Variants in TPST1 observed in about 807,000 individuals in gnomAD.
TPST1 encodes protein-tyrosine sulfotransferase 1.
Under a neutral mutation model 34.8 loss-of-function variants are expected in TPST1, and 20 were observed. The ratio of observed to expected loss-of-function variants is 0.57; its 90% CI spans 0.40 to 0.84. The LOEUF is 0.84. TPST1 is among the 40% of genes least tolerant of loss of function. The pLI is 0.00. For synonymous variants in TPST1, 152 were observed against 159.4 expected (o/e 0.95, Z 0.35); for missense variants, 353 against 455.5 (o/e 0.78, Z 2.05).
chr7:66,212,741 C>T (rs1584136048), intron 1 of TPST1, among the ~76,000 whole-genome samples: 1 of 152,270 alleles, frequency 6.6e-6, no homozygotes, highest in East Asian at 1.9e-4. Flanking sequence ...GTGTGAGCCA[C>T]TGCGCCCGAC....
At chr7:66,258,009 A>C (rs1247324656) in intron 2 of TPST1, among the ~76,000 whole-genome samples, 1 of 152,188 alleles carries the variant, frequency 6.6e-6, no homozygotes, top group African/African-American at 2.4e-5. Flanking sequence ...GAAAAAACCC[A>C]ACTTGGTAAT....
intron 1 of TPST1, among the ~76,000 whole-genome samples, chr7:66,222,199 C>T (rs575796152): frequency 2.6e-5 from 4 of 152,142 alleles, no homozygotes; most frequent in East Asian, 3.9e-4. Context: ...CTGGCTAACA[C>T]GGTGAAACCC....
chr7:66,329,355 C>A (rs984831587), intron 3 of TPST1, among the ~76,000 whole-genome samples: 3 of 152,040 alleles, frequency 2.0e-5, no homozygotes, highest in Non-Finnish European at 4.4e-5. Flanking sequence ...TACCTATATA[C>A]CCTAACAGAG....
intron 2 of TPST1, among the ~76,000 whole-genome samples, chr7:66,265,571 GAA>G (rs1790575817): frequency 6.7e-6 from 1 of 149,526 alleles, no homozygotes; most frequent in African/African-American, 2.5e-5. Flanking sequence ...AAAGAAAAAA[GAA>G]AAAAAGGGAA....
chr7:66,356,310 A>G (rs1792580700), intron 4 of TPST1, among the ~76,000 whole-genome samples: 1 of 152,176 alleles, frequency 6.6e-6, no homozygotes, highest in Admixed American at 6.5e-5. Context: ...CCTCCTCCCT[A>G]TGAAAGCAGG....
intron 1 of TPST1, among the ~76,000 whole-genome samples, chr7:66,227,493 G>T (rs1214414776): frequency 1.3e-5 from 2 of 152,042 alleles, no homozygotes; most frequent in East Asian, 1.9e-4. Context: ...TGTGATCATG[G>T]CTCACTGCAG....
chr7:66,260,491 CTG>C (rs1790467364), intron 2 of TPST1, among the ~76,000 whole-genome samples: 1 of 152,146 alleles, frequency 6.6e-6, no homozygotes, highest in Non-Finnish European at 1.5e-5. Context: ...TGTGGAATAA[CTG>C]TTTTAATGCA....
chr7:66,283,121 G>T (rs1408862681), intron 2 of TPST1, among the ~76,000 whole-genome samples: 2 of 152,054 alleles, frequency 1.3e-5, no homozygotes, highest in Non-Finnish European at 2.9e-5. Context: ...AAATTAACTG[G>T]GTATGGTGGT....
In TPST1 at chr7:66,350,826, C is replaced by G. The variant is rs530890855; in HGVS notation, c.1045-1679C>G. Among the ~76,000 whole-genome samples, 84 of 152,226 alleles carry G rather than the reference C, an allele frequency of 5.5e-4. 1 individual carries two copies. The South Asian group carries it at 0.012, about 22-fold the overall frequency. ...ACTCTTCATTGACATTACTTGTTCC[C>G]AAGTTTTTTTTTGCTGTTGCAAAGT... On this transcript the variant is annotated intron_variant, in intron 3 of 5. Transcript: ENST00000304842.
intron 5 of TPST1, chr7:66,359,581 G>A (rs1792651908): frequency 3.6e-6 from 1 of 280,728 alleles, no homozygotes; most frequent in African/African-American, 2.2e-5. Flanking sequence ...TGCCCCCACA[G>A]TAGCAACAAT....
the TPST1 span, among the ~76,000 whole-genome samples, chr7:66,200,235 G>A: frequency 2.0e-5 from 3 of 152,102 alleles, no homozygotes; most frequent in Admixed American, 6.5e-5. Flanking sequence ...AGGTAGAAGC[G>A]GTGCAAAGGC....
chr7:66,200,420 C>CTT (rs35086138), upstream of TPST1, among the ~76,000 whole-genome samples: 138 of 136,564 alleles, frequency 1.0e-3, 4 homozygotes, highest in South Asian at 2.6e-3. Context: ...GTGAAGTTAT[C>CTT]TTTTTTTTTT....
Position 66,356,763 on chromosome 7 carries a change from C to A in TPST1, c.1096-62C>A, listed in dbSNP as rs1792590297. ...GCCACCCCTCATGTTTCAGTGGGGACGGTCACTTCTCATGCTGACCAACTT... is the reference window on the plus strand; with the variant it reads ...GCCACCCCTCATGTTTCAGTGGGGAAGGTCACTTCTCATGCTGACCAACTT... On this transcript the variant is annotated intron_variant, in intron 4 of 5. Transcript: ENST00000304842. 1.9e-6 allele frequency: 3 copies of A among 1,599,656 alleles called. No individual in the cohort carries two copies. The African/African-American group carries it at 4.0e-5, about 21-fold the overall frequency.
chr7:66,234,799 C>T (rs1274401829), intron 1 of TPST1, among the ~76,000 whole-genome samples: 3 of 151,032 alleles, frequency 2.0e-5, no homozygotes, highest in African/African-American at 7.3e-5. Context: ...GCCTCAGCCT[C>T]CCCAGTAGCT....
intron 4 of TPST1, 45 bp from the exon 5 acceptor site, chr7:66,356,780 G>T (rs1265910896): frequency 6.2e-6 from 10 of 1,613,698 alleles, no homozygotes; most frequent in Non-Finnish European, 5.9e-6. Context: ...TTCTCATGCT[G>T]ACCAACTTCA....
At chr7:66,345,291 G>A (rs1308258956) in intron 3 of TPST1, among the ~76,000 whole-genome samples, 1 of 151,188 alleles carries the variant, frequency 6.6e-6, no homozygotes, top group Non-Finnish European at 1.5e-5. Context: ...GAGGTCAGGA[G>A]TTCAAGACCA....
intron 2 of TPST1, among the ~76,000 whole-genome samples, chr7:66,264,048 A>G (rs1324789276): frequency 6.6e-6 from 1 of 152,170 alleles, no homozygotes; most frequent in Non-Finnish European, 1.5e-5. Context: ...AGCAGAACAG[A>G]CCTCATTGTA....
At chr7:66,210,246 C>T (rs538601322) in intron 1 of TPST1, among the ~76,000 whole-genome samples, 9 of 152,122 alleles carry the variant, frequency 5.9e-5, no homozygotes, top group Non-Finnish European at 1.2e-4. Flanking sequence ...TGGTTCTGTT[C>T]ATCCAGGTAG....
At chr7:66,215,371 T>C (rs1380512846) in intron 1 of TPST1, among the ~76,000 whole-genome samples, 1 of 149,524 alleles carries the variant, frequency 6.7e-6, no homozygotes, top group Non-Finnish European at 1.5e-5. Flanking sequence ...ATATTATATA[T>C]ATGTATATAT....
Sources: gnomAD v4.1 joint callset for allele counts (sites outside exome capture counted in the v4.1 genomes callset) on GRCh38, gnomAD v4.1.1 for gene constraint, MANE v1.5 for transcripts, NCBI Gene and HGNC (gene_info 2026-07-23, HGNC 2026-07-21) for gene names.